TRIM59: variants seen among roughly 807,000 people sequenced by gnomAD.
The protein encoded by TRIM59 is tripartite motif-containing protein 59.
In TRIM59, 14 loss-of-function variants were observed where a neutral mutation model predicts 32.2. The ratio of observed to expected loss-of-function variants is 0.43; its 90% CI spans 0.29 to 0.68. The LOEUF is 0.68. Among genes scored for constraint, TRIM59 ranks in the 30% least tolerant of loss-of-function variants. TRIM59 has a pLI of 0.15. For synonymous variants in TRIM59, 163 were observed against 155.1 expected (o/e 1.05, Z -0.38); for missense variants, 471 against 463.3 (o/e 1.02, Z -0.15).
chr3:160,436,373 A>G lies in TRIM59; in HGVS notation c.*1599T>C, dbSNP rs1718946474. The G allele has an allele frequency of 3.0e-6, 3 of 986,188 alleles. No individual in the cohort carries two copies. The highest frequency in any genetic ancestry group is 3.6e-6 in the Non-Finnish European group (3 of 830,186). The allele number at this position is 986,188 out of a possible 1,614,324, so 61.1% of individuals were successfully genotyped here. On this transcript the variant is annotated 3_prime_UTR_variant, in exon 3 of 3. Transcript: ENST00000309784. ...GCCCCTTTGGGATTTCTGGAAAGCA[A>G]ATCAACCTGCACTTAGAGTTGCATG...
intron 2 of TRIM59, among the ~76,000 whole-genome samples, chr3:160,440,521 C>CA (rs1560024803): frequency 1.3e-5 from 2 of 152,188 alleles, no homozygotes; most frequent in African/African-American, 4.8e-5. Flanking sequence ...TACCTACCCT[C>CA]AATGCATCAG....
In TRIM59 at chr3:160,438,177, G is replaced by GT. The variant is rs777491510; in HGVS notation, c.1006dup (p.Thr336AsnfsTer23). ...CGACATCAGTATTACTGAAATTAAT[G>GT]TAACTACAACAATGTTTAAAATTTT... On this transcript the variant is annotated frameshift_variant, in exon 3 of 3. Transcript: ENST00000309784. LOFTEE classifies it high-confidence loss of function. The GT allele has an allele frequency of 7.5e-5, 121 of 1,612,280 alleles. No individual in the cohort carries two copies. The highest frequency in any genetic ancestry group is 9.7e-5 in the Non-Finnish European group (114 of 1,179,328).
chr3:160,438,791 T>C lies in TRIM59; in HGVS notation c.393A>G (p.Ile131Met). The change falls in exon 3 of 3, where the codon ATA (isoleucine) becomes ATG (methionine). Residue 131 changes from isoleucine to methionine, a missense_variant. Transcript: ENST00000309784. ...TCAAATAGGCACTTTGAAGGTCATC[T>C]ATAGGATGACCATGATGTTGACCTA... ...LTIGQHHGHP[I>M]DDLQSAYLKE... 6.2e-7 allele frequency: 1 copy of C among 1,613,290 alleles called. No homozygotes were observed. Among genetic ancestry groups the C allele is most frequent in the Non-Finnish European group, 8.5e-7 (1 of 1,179,280 alleles).
rs1718906102 is a variant in TRIM59, at chr3:160,435,745, T to G, written c.*2227A>C. 5.8e-6 allele frequency: 2 copies of G among 342,420 alleles called. No homozygotes were observed. The highest frequency in any genetic ancestry group is 4.7e-5 in the South Asian group (2 of 42,988). 21.2% of individuals were successfully genotyped at this position (342,420 alleles called of 1,614,324 possible). A position where few individuals can be genotyped will look rare whatever the true frequency, so the allele number is the denominator to read the frequency against. ...TCTAAAATGATATATATACTTACGTTTTTAGCATTCTTACAGATTACAAAC... is the reference window on the plus strand; with the variant it reads ...TCTAAAATGATATATATACTTACGTGTTTAGCATTCTTACAGATTACAAAC... On this transcript the variant is annotated 3_prime_UTR_variant, in exon 3 of 3. Coordinates refer to ENST00000309784, the MANE Select transcript of TRIM59 (RefSeq NM_173084.3).
At chr3:160,441,857 G>A (rs972604471) in intron 2 of TRIM59, among the ~76,000 whole-genome samples, 5 of 151,820 alleles carry the variant, frequency 3.3e-5, no homozygotes, top group Non-Finnish European at 1.5e-5. Context: ...GACTAAGCTT[G>A]AACTGTAGAG....
Position 160,438,788 on chromosome 3 carries a change from A to G in TRIM59, c.396T>C (p.Asp132=). Residue 132 remains aspartate, a synonymous_variant, in exon 3 of 3, where the codon GAT becomes GAC. Transcript: ENST00000309784. ...CTTTCAAATAGGCACTTTGAAGGTCATCTATAGGATGACCATGATGTTGAC... is the reference window on the plus strand; with the variant it reads ...CTTTCAAATAGGCACTTTGAAGGTCGTCTATAGGATGACCATGATGTTGAC... ...TIGQHHGHPI[D]DLQSAYLKEK... 6.2e-7 allele frequency: 1 copy of G among 1,614,002 alleles called. No individual in the cohort carries two copies. Among genetic ancestry groups the G allele is most frequent in the Admixed American group, 1.7e-5 (1 of 60,014 alleles).
chr3:160,435,699 G>C lies in TRIM59; in HGVS notation c.*2273C>G, dbSNP rs958622123. ...AAAATGAAAAGTTCTCCTAAAAACT[G>C]GCAAGATACAAAATGTCAAATCTAA... On this transcript the variant is annotated 3_prime_UTR_variant, in exon 3 of 3. Coordinates refer to ENST00000309784, the MANE Select transcript of TRIM59 (RefSeq NM_173084.3). 1.2e-5 allele frequency: 3 copies of C among 250,826 alleles called. No individual in the cohort carries two copies. Among genetic ancestry groups the C allele is most frequent in the African/African-American group, 4.5e-5 (2 of 43,996 alleles). 15.5% of individuals were successfully genotyped at this position (250,826 alleles called of 1,614,324 possible).
chr3:160,448,657 A>G, intron 2 of TRIM59, 69 bp downstream of exon 2: 1 of 892,698 alleles, frequency 1.1e-6, no homozygotes, highest in Non-Finnish European at 1.6e-6. Context: ...TTCACTTTGT[A>G]GTTTAAATCA....
At position 160,448,757 on chromosome 3, in the gene TRIM59, C is replaced by T. The variant is rs1393034755; in HGVS notation, c.-35G>A. 9 of 1,279,822 alleles carry T rather than the reference C, an allele frequency of 7.0e-6. No individual in the cohort carries two copies. The highest frequency in any genetic ancestry group is 9.1e-6 in the Non-Finnish European group (9 of 984,706). The allele number at this position is 1,279,822 out of a possible 1,614,324, so 79.3% of individuals were successfully genotyped here. ...GATCTCGTGGTTTGGGGGCTGAATA[C>T]ACTCTTCTCCAACTCCTCCAGAATC... On this transcript the variant is annotated 5_prime_UTR_variant, in exon 2 of 3. Transcript: ENST00000309784.
chr3:160,444,714 T>C (rs1164009888), intron 2 of TRIM59, among the ~76,000 whole-genome samples: 1 of 152,236 alleles, frequency 6.6e-6, no homozygotes, highest in African/African-American at 2.4e-5. Context: ...CACAAACTGC[T>C]ATGTAAGAAG....
At chr3:160,439,899 C>T (rs549656709) in intron 2 of TRIM59, among the ~76,000 whole-genome samples, 1 of 152,274 alleles carries the variant, frequency 6.6e-6, no homozygotes, top group Admixed American at 6.5e-5. Context: ...TTTTGTGCAA[C>T]ATTTTAACAT....
At chr3:160,444,072 G>A (rs1719396579) in intron 2 of TRIM59, among the ~76,000 whole-genome samples, 1 of 152,148 alleles carries the variant, frequency 6.6e-6, no homozygotes, top group Non-Finnish European at 1.5e-5. Flanking sequence ...TGGCTCAGCT[G>A]TCACTGTAAC....
intron 2 of TRIM59, among the ~76,000 whole-genome samples, chr3:160,443,498 C>T (rs528416469): frequency 1.3e-5 from 2 of 152,332 alleles, no homozygotes; most frequent in Admixed American, 1.3e-4. Context: ...GAACAACCTT[C>T]TTCCAACTCT....
Position 160,439,165 on chromosome 3 carries a change from C to A in TRIM59, c.19G>T (p.Glu7Ter). The change falls in exon 3 of 3, where the codon GAG becomes TAG. Residue 7 changes from glutamate (E) to a stop codon, truncating the protein, a stop_gained. Coordinates refer to ENST00000309784, the MANE Select transcript of TRIM59 (RefSeq NM_173084.3). LOFTEE classifies it high-confidence loss of function. ...CTATAACATATGGGACAAGTTAACTCTTCCTCAAAATTGTGCATTTCCTGT... is the reference window on the plus strand; with the variant it reads ...CTATAACATATGGGACAAGTTAACTATTCCTCAAAATTGTGCATTTCCTGT... The part of the protein sequence containing the change: MHNFEE[E>*]LTCPICYSIF... 6.7e-7 allele frequency: 1 copy of A among 1,494,826 alleles called. No individual in the cohort carries two copies. The allele number at this position is 1,494,826 out of a possible 1,614,324, so 92.6% of individuals were successfully genotyped here.
chr3:160,449,406 A>G (rs4680585), intron 1 of TRIM59: 506,221 of 973,878 alleles, frequency 0.52, 133,634 homozygotes, highest in African/African-American at 0.56. Context: ...ACGCGCCTCC[A>G]CCTCGGCACC....
At position 160,438,129 on chromosome 3, in the gene TRIM59, ATG is replaced by A; in HGVS notation, c.1053_1054del (p.Ile352HisfsTer6). Reference sequence around the variant, plus strand: ...AGTGATTTCACTTAAAAAGGTTATGATGTGTTGGTTGAAAAAGAGTATCGACA... The same window carrying A: ...AGTGATTTCACTTAAAAAGGTTATGATGTTGGTTGAAAAAGAGTATCGACA... On this transcript the variant is annotated frameshift_variant, in exon 3 of 3. Coordinates refer to ENST00000309784, the MANE Select transcript of TRIM59 (RefSeq NM_173084.3). LOFTEE classifies it high-confidence loss of function. 1 of 1,612,576 alleles carries A rather than the reference ATG, an allele frequency of 6.2e-7. No homozygotes were observed. The highest frequency in any genetic ancestry group is 8.5e-7 in the Non-Finnish European group (1 of 1,179,538).
intron 2 of TRIM59, among the ~76,000 whole-genome samples, chr3:160,447,028 T>G (rs1318133694): frequency 6.6e-6 from 1 of 151,970 alleles, no homozygotes; most frequent in Non-Finnish European, 1.5e-5. Flanking sequence ...ATGAAAAAGT[T>G]AACGGAGATA....
intron 2 of TRIM59, among the ~76,000 whole-genome samples, chr3:160,448,195 G>A (rs1281639631): frequency 6.6e-6 from 1 of 152,150 alleles, no homozygotes; most frequent in Non-Finnish European, 1.5e-5. Context: ...GAATTGACTT[G>A]AGAAATTAAG....
chr3:160,448,905 GTTTTCAGAA>G, intron 1 of TRIM59, 110 bp from the exon 2 acceptor site: 2 of 551,316 alleles, frequency 3.6e-6, no homozygotes, highest in Non-Finnish European at 5.6e-6. Context: ...GCTTCATCGT[GTTTTCAGAA>G]AAGCCACAAA....
Sources: gnomAD v4.1 joint callset for allele counts (sites outside exome capture counted in the v4.1 genomes callset) on GRCh38, gnomAD v4.1.1 for gene constraint, MANE v1.5 for transcripts, NCBI Gene and HGNC (gene_info 2026-07-23, HGNC 2026-07-21) for gene names.